The following ARHGAP10 variants were observed in gnomAD, a reference collection of about 807,000 sequenced individuals.
ARHGAP10 encodes the protein Rho GTPase activating protein 10, also known as rho GTPase-activating protein 10.
In ARHGAP10, 87 loss-of-function variants were observed where a neutral mutation model predicts 108.6. The ratio of observed to expected loss-of-function variants is 0.80; its 90% CI spans 0.67 to 0.96. The LOEUF (loss-of-function observed/expected upper bound fraction) is 0.96. Ranked by LOEUF, ARHGAP10 falls within the 40% of genes least tolerant of loss-of-function variation. ARHGAP10 has a pLI of 0.00. For synonymous variants in ARHGAP10, 347 were observed against 341.1 expected, an observed-to-expected ratio of 1.02 and a Z score of -0.19; for missense variants, 939 against 954.5, an observed-to-expected ratio of 0.98 and a Z score of 0.21.
chr4:147,999,955 G>A (rs1740633211), intron 18 of ARHGAP10, among the ~76,000 whole-genome samples: 1 of 149,846 alleles, frequency 6.7e-6, no homozygotes, highest in African/African-American at 2.5e-5. Flanking sequence ...TTATACTTTA[G>A]TAGGGTACAT....
At chr4:148,000,437 A>G (rs986341289) in intron 18 of ARHGAP10, among the ~76,000 whole-genome samples, 1 of 152,186 alleles carries the variant, frequency 6.6e-6, no homozygotes, top group African/African-American at 2.4e-5. Context: ...TTGTGTACAT[A>G]CCCAGTAATG....
chr4:147,980,276 T>C (rs1435061931), intron 18 of ARHGAP10, among the ~76,000 whole-genome samples: 1 of 152,230 alleles, frequency 6.6e-6, no homozygotes, highest in African/African-American at 2.4e-5. Flanking sequence ...AAATGCTTTT[T>C]CTGTGTCTAT....
At chr4:147,908,423 C>T (rs922649913) in intron 11 of ARHGAP10, among the ~76,000 whole-genome samples, 12 of 152,166 alleles carry the variant, frequency 7.9e-5, no homozygotes, top group Non-Finnish European at 1.5e-4. Flanking sequence ...GTCAGTGTAA[C>T]CTTCAAGACG....
intron 1 of ARHGAP10, among the ~76,000 whole-genome samples, chr4:147,779,155 G>A (rs756708081): frequency 2.0e-5 from 3 of 152,176 alleles, no homozygotes; most frequent in Non-Finnish European, 4.4e-5. Context: ...GTTCCCAGGT[G>A]ATGCTGATGT....
chr4:147,999,837 TG>T (rs1190245269), intron 18 of ARHGAP10, among the ~76,000 whole-genome samples: 1 of 151,884 alleles, frequency 6.6e-6, no homozygotes, highest in Non-Finnish European at 1.5e-5. Flanking sequence ...TACAACATGA[TG>T]GGGGATTAAA....
intron 3 of ARHGAP10, among the ~76,000 whole-genome samples, chr4:147,839,142 A>ATCTGTCTGTCTGTCTGTCTGTCTGTCTG (rs66465708): frequency 3.4e-5 from 4 of 117,750 alleles, no homozygotes; most frequent in African/African-American, 1.2e-4. Context: ...CTATCTATCT[A>ATCTGTCTGTCTGTCTGTCTGTCTGTCTG]TCTGTCTGTC....
At chr4:147,813,223 T>C (rs1476213761) in intron 1 of ARHGAP10, among the ~76,000 whole-genome samples, 1 of 152,208 alleles carries the variant, frequency 6.6e-6, no homozygotes, top group Non-Finnish European at 1.5e-5. Context: ...GGGATGTTTT[T>C]ATACTCACTG....
intron 1 of ARHGAP10, among the ~76,000 whole-genome samples, chr4:147,783,188 T>C: frequency 6.9e-6 from 1 of 144,850 alleles, no homozygotes; most frequent in African/African-American, 2.5e-5. Context: ...TTAAATTATA[T>C]ATTGTATAAT....
chr4:147,841,471 C>T (rs1415148070), intron 3 of ARHGAP10, among the ~76,000 whole-genome samples: 3 of 152,132 alleles, frequency 2.0e-5, no homozygotes, highest in African/African-American at 7.2e-5. Flanking sequence ...TGTAAATTGC[C>T]TTTTAAGTTT....
chr4:147,875,529 A>G (rs150091877), intron 8 of ARHGAP10, among the ~76,000 whole-genome samples: 127 of 152,274 alleles, frequency 8.3e-4, no homozygotes, highest in African/African-American at 2.9e-3. Flanking sequence ...CTCATCACCA[A>G]TGCACACAGG....
intron 1 of ARHGAP10, among the ~76,000 whole-genome samples, chr4:147,783,524 CATTAA>C (rs1220311679): frequency 6.8e-6 from 1 of 147,474 alleles, no homozygotes; most frequent in Non-Finnish European, 1.5e-5. Context: ...ATAGAACACA[CATTAA>C]ATTATGTATT....
chr4:147,920,917 C>T (rs1313405012), intron 13 of ARHGAP10, among the ~76,000 whole-genome samples: 2 of 152,086 alleles, frequency 1.3e-5, no homozygotes, highest in African/African-American at 4.8e-5. Context: ...GTGAAGGAAA[C>T]ATGGAGAAAC....
At chr4:147,929,996 CTT>C (rs1404419499) in intron 13 of ARHGAP10, among the ~76,000 whole-genome samples, 2 of 152,204 alleles carry the variant, frequency 1.3e-5, no homozygotes, top group Admixed American at 1.3e-4. Context: ...AAATGTTAGA[CTT>C]TTGATGTAAA....
chr4:147,988,922 C>T (rs1740149141), intron 18 of ARHGAP10, among the ~76,000 whole-genome samples: 1 of 152,190 alleles, frequency 6.6e-6, no homozygotes, highest in South Asian at 2.1e-4. Context: ...AGGTATGAGC[C>T]TATACCAAAA....
chr4:147,892,815 C>T (rs971557838), intron 10 of ARHGAP10, among the ~76,000 whole-genome samples: 7 of 152,084 alleles, frequency 4.6e-5, no homozygotes, highest in Non-Finnish European at 7.4e-5. Flanking sequence ...TCTGGAGACA[C>T]TGATATAATG....
At chr4:147,966,627 C>T in intron 17 of ARHGAP10, 53 bp from the exon 18 acceptor site, 1 of 1,458,332 alleles carries the variant, frequency 6.9e-7, no homozygotes, top group Non-Finnish European at 9.2e-7. Flanking sequence ...ATTTACAGTC[C>T]ACAATTTTTG....
In ARHGAP10 at chr4:147,904,918, G is replaced by A. The variant is rs1306882276; in HGVS notation, c.1035-1720G>A. Among the ~76,000 whole-genome samples the A allele has an allele frequency of 1.1e-4, 16 of 152,122 alleles. 1 individual carries two copies. The highest frequency in any genetic ancestry group is 3.6e-4 in the African/African-American group (15 of 41,470). On this transcript the variant is annotated intron_variant, in intron 10 of 22. Coordinates refer to ENST00000336498, the MANE Select transcript of ARHGAP10 (RefSeq NM_024605.4). Reference sequence around the variant, plus strand: ...GTTGTTTCCTGACTTTTTAATGATCGCCATTCTAACTGGTGTGAGATGGTA... The same window carrying A: ...GTTGTTTCCTGACTTTTTAATGATCACCATTCTAACTGGTGTGAGATGGTA...
intron 18 of ARHGAP10, among the ~76,000 whole-genome samples, chr4:148,016,249 A>G (rs796342624): frequency 6.6e-6 from 1 of 152,186 alleles, no homozygotes; most frequent in Admixed American, 6.5e-5. Context: ...CATACCTGTA[A>G]TCCCAGTGCT....
At chr4:147,902,850 G>A (rs979089691) in intron 10 of ARHGAP10, among the ~76,000 whole-genome samples, 1 of 144,824 alleles carries the variant, frequency 6.9e-6, no homozygotes, top group Non-Finnish European at 1.5e-5. Context: ...AATCATGGCA[G>A]AAGGCAAAGG....
Sources: allele counts gnomAD v4.1 joint callset (sites outside exome capture counted in the v4.1 genomes callset), GRCh38; gene constraint gnomAD v4.1.1; transcripts MANE v1.5; gene names NCBI Gene and HGNC (gene_info 2026-07-23, HGNC 2026-07-21).